Variants in SLC7A10 observed in about 807,000 individuals in gnomAD.
SLC7A10 encodes the protein asc-type amino acid transporter 1.
In SLC7A10, 30 loss-of-function variants were observed where a neutral mutation model predicts 52.7. The observed-to-expected ratio is 0.57, with a 90% CI of 0.43 to 0.77. SLC7A10 has a LOEUF of 0.77. Among genes scored for constraint, SLC7A10 ranks in the 30% least tolerant of loss-of-function variants. The probability of loss-of-function intolerance (pLI) is 0.00; values close to 1 mark genes in which losing one functional copy is unlikely to be tolerated. For synonymous variants in SLC7A10, 318 were observed against 314.9 expected (o/e 1.01, Z -0.10); for missense variants, 581 against 698.5 (o/e 0.83, Z 1.90).
At chr19:33,219,421 C>T (rs1456257081) in intron 1 of SLC7A10, among the ~76,000 whole-genome samples, 5 of 152,202 alleles carry the variant, frequency 3.3e-5, no homozygotes, top group South Asian at 2.1e-4. Context: ...GAGGTCGAGT[C>T]GCAGAGTGAG....
chr19:33,210,584 G>C lies in SLC7A10; in HGVS notation c.1146C>G (p.Gly382=), dbSNP rs147546647. 43 of 1,611,978 alleles carry C rather than the reference G, an allele frequency of 2.7e-5. No individual in the cohort carries two copies. The African/African-American group carries it at 4.0e-4, about 15-fold the overall frequency. The change falls in exon 9 of 11, where the codon GGC becomes GGG. Residue 382 remains glycine (G), a synonymous_variant. Coordinates refer to ENST00000253188, the MANE Select transcript of SLC7A10 (RefSeq NM_019849.3). This position sits in a 1 kb window ranked among gnomAD's most constrained non-coding sequence, Gnocchi z 5.6. ...CATAGTTGATGAGCGTGTACGTGTC[G>C]CCCACGAGCATGATGACGGCTGTGG... ...CGATAVIMLV[G]DTYTLINYVS... is the part of the protein sequence containing the mutation.
At chr19:33,215,267 CAAAAAA>C (rs56214783) in intron 2 of SLC7A10, among the ~76,000 whole-genome samples, 297 of 115,592 alleles carry the variant, frequency 2.6e-3, no homozygotes, top group Middle Eastern at 0.018. Flanking sequence ...GACTCTGTCT[CAAAAAA>C]AAAAAAAAAA....
In SLC7A10 at chr19:33,211,294, C is replaced by G. The variant is rs1394536933; in HGVS notation, c.947G>C (p.Trp316Ser). The change falls in exon 7 of 11, where the codon TGG (tryptophan) becomes TCG (serine). Residue 316 changes from tryptophan to serine, a missense_variant. Coordinates refer to ENST00000253188, the MANE Select transcript of SLC7A10 (RefSeq NM_019849.3). ...FGEKLLGYFS[W>S]VMPVSVALST... ...CAGAGCCACGGAGACAGGCATGACCCAAGAAAAGTAGCCCAGCAGCTTCTC... is the reference window on the plus strand; with the variant it reads ...CAGAGCCACGGAGACAGGCATGACCGAAGAAAAGTAGCCCAGCAGCTTCTC... 1.2e-6 allele frequency: 2 copies of G among 1,613,960 alleles called. No homozygotes were observed. The highest frequency in any genetic ancestry group is 1.7e-6 in the Non-Finnish European group (2 of 1,180,006).
intron 9 of SLC7A10, among the ~76,000 whole-genome samples, chr19:33,209,713 C>T (rs571885774): frequency 1.4e-4 from 21 of 152,300 alleles, no homozygotes; most frequent in African/African-American, 4.8e-4. Flanking sequence ...TCAGCGGCAC[C>T]GAGCTCCACA....
intron 1 of SLC7A10, among the ~76,000 whole-genome samples, chr19:33,219,417 G>A (rs889807521): frequency 3.9e-5 from 6 of 152,228 alleles, no homozygotes; most frequent in African/African-American, 9.6e-5. Flanking sequence ...CACGGAGGTC[G>A]AGTCGCAGAG....
At chr19:33,212,137 C>CG in intron 5 of SLC7A10, 155 bp downstream of exon 5, 1 of 1,080,702 alleles carries the variant, frequency 9.3e-7, no homozygotes, top group South Asian at 1.4e-5. Context: ...GCAAGCCCCC[C>CG]GGCTTTCTTC....
At position 33,212,286 on chromosome 19, in the gene SLC7A10, A is replaced by G; in HGVS notation, c.788+6T>C. On this transcript the variant is annotated splice_donor_region_variant and intron_variant, in intron 5 of 10. Transcript: ENST00000253188. Reference sequence around the variant, plus strand: ...TTCCCAGGGCCCAGTTGGGGGCCCCACTCACTTTCGGGCGTCAACCATCTC... The same window carrying G: ...TTCCCAGGGCCCAGTTGGGGGCCCCGCTCACTTTCGGGCGTCAACCATCTC... The G allele has an allele frequency of 6.3e-7, 1 of 1,599,006 alleles. No homozygotes were observed. The highest frequency in any genetic ancestry group is 8.5e-7 in the Non-Finnish European group (1 of 1,173,566).
At chr19:33,212,138 G>C in intron 5 of SLC7A10, 154 bp downstream of exon 5, 1 of 1,087,524 alleles carries the variant, frequency 9.2e-7, no homozygotes, top group Admixed American at 2.1e-5. Flanking sequence ...CAAGCCCCCC[G>C]GCTTTCTTCC....
chr19:33,211,157 G>T, intron 7 of SLC7A10, 68 bp downstream of exon 7: 1 of 1,473,782 alleles, frequency 6.8e-7, no homozygotes, highest in Non-Finnish European at 9.5e-7. Flanking sequence ...TCTGGCCCAC[G>T]GCATGACTGG....
intron 5 of SLC7A10, 158 bp downstream of exon 5, chr19:33,212,134 C>T: frequency 9.6e-7 from 1 of 1,042,998 alleles, no homozygotes; most frequent in Non-Finnish European, 1.4e-6. Flanking sequence ...AATGCAAGCC[C>T]CCCGGCTTTC....
intron 1 of SLC7A10, among the ~76,000 whole-genome samples, chr19:33,219,114 C>T (rs912381236): frequency 7.2e-5 from 11 of 152,040 alleles, no homozygotes; most frequent in African/African-American, 2.2e-4. Flanking sequence ...CCTGTCCACC[C>T]GGTGGGATGA....
At chr19:33,216,302 A>AG (rs1418454479) in intron 1 of SLC7A10, among the ~76,000 whole-genome samples, 1 of 152,150 alleles carries the variant, frequency 6.6e-6, no homozygotes, top group African/African-American at 2.4e-5. Flanking sequence ...CAAAGTGAGG[A>AG]GGCTGAACCA....
In SLC7A10 at chr19:33,208,814, C is replaced by A; in HGVS notation, c.*77G>T. On this transcript the variant is annotated 3_prime_UTR_variant, in exon 11 of 11. Transcript: ENST00000253188. The surrounding 1 kb of genome is among the most constrained non-coding windows in gnomAD (Gnocchi z 4.7). ...CTTTTTTTTCCAGAAAAAAACAAAA[C>A]AAAACTTTTTTGCCAAAACACCTCC... 2 of 1,575,784 alleles carry A rather than the reference C, an allele frequency of 1.3e-6. No individual in the cohort carries two copies. Among genetic ancestry groups the A allele is most frequent in the Non-Finnish European group, 1.7e-6 (2 of 1,155,920 alleles).
In SLC7A10 at chr19:33,210,995, G is replaced by A. The variant is rs765052670; in HGVS notation, c.1017-97C>T. The A allele has an allele frequency of 1.9e-5, 23 of 1,214,802 alleles. No homozygotes were observed. The highest frequency in any genetic ancestry group is 1.5e-4 in the African/African-American group (10 of 66,596). The allele number at this position is 1,214,802 out of a possible 1,614,324, so 75.3% of individuals were successfully genotyped here. ...GCTGTCGCCTCTGACCTCCTGCTCC[G>A]GGCCCAGCAGCCCCACTGGACAGTT... On this transcript the variant is annotated intron_variant, in intron 7 of 10. Coordinates refer to ENST00000253188, the MANE Select transcript of SLC7A10 (RefSeq NM_019849.3). This position sits in a 1 kb window ranked among gnomAD's most constrained non-coding sequence, Gnocchi z 5.6.
intron 1 of SLC7A10, among the ~76,000 whole-genome samples, chr19:33,223,047 C>T (rs1381806206): frequency 1.3e-5 from 2 of 152,044 alleles, no homozygotes; most frequent in Non-Finnish European, 2.9e-5. Flanking sequence ...GTGGCTCACA[C>T]CTGTAATCCC....
rs566164360 is a variant in SLC7A10, at chr19:33,214,921, G to C, written c.356+848C>G. Among the ~76,000 whole-genome samples the C allele has an allele frequency of 2.6e-5, 4 of 152,296 alleles. No homozygotes were observed. In the East Asian group the frequency reaches 7.7e-4, roughly 29 times the overall value. On this transcript the variant is annotated intron_variant, in intron 2 of 10. Coordinates refer to ENST00000253188, the MANE Select transcript of SLC7A10 (RefSeq NM_019849.3). ...CCCCACCCCCAGGCTCACGGTAGGTGCTCAGCAAATATTCCCTGGTGAACG... is the reference window on the plus strand; with the variant it reads ...CCCCACCCCCAGGCTCACGGTAGGTCCTCAGCAAATATTCCCTGGTGAACG...
At position 33,209,102 on chromosome 19, in the gene SLC7A10, A is replaced by AG. The variant is rs1568386519; in HGVS notation, c.1442-82dup. 3 of 1,596,362 alleles carry AG rather than the reference A, an allele frequency of 1.9e-6. No homozygotes were observed. In the African/African-American group the frequency reaches 4.0e-5, roughly 21 times the overall value. ...CAGCTCCGGACACCTCCCCTTGGGC[A>AG]GGGGTCTTCAGGGAGTTGCTCCGTC... On this transcript the variant is annotated intron_variant, in intron 10 of 10. Coordinates refer to ENST00000253188, the MANE Select transcript of SLC7A10 (RefSeq NM_019849.3).
At chr19:33,219,410 G>A (rs142605588) in intron 1 of SLC7A10, among the ~76,000 whole-genome samples, 3 of 152,330 alleles carry the variant, frequency 2.0e-5, no homozygotes, top group Non-Finnish European at 4.4e-5. Flanking sequence ...GGCGGCCCAC[G>A]GAGGTCGAGT....
intron 1 of SLC7A10, among the ~76,000 whole-genome samples, chr19:33,216,218 G>A (rs1286563796): frequency 6.6e-6 from 1 of 152,196 alleles, no homozygotes; most frequent in Admixed American, 6.5e-5. Context: ...CGTTCAGCTG[G>A]CCAGGCCCCT....
Sources: gnomAD v4.1 joint callset for allele counts (sites outside exome capture counted in the v4.1 genomes callset) on GRCh38, gnomAD v4.1.1 for gene constraint, Gnocchi (gnomAD v3.1) non-coding constraint, MANE v1.5 for transcripts, NCBI Gene and HGNC (gene_info 2026-07-23, HGNC 2026-07-21) for gene names.